The following XKR6 variants were observed in gnomAD, a reference collection of about 807,000 sequenced individuals.
XKR6 encodes XK-related protein 6.
Under a neutral mutation model 56.7 loss-of-function variants are expected in XKR6, and 22 were observed. The observed-to-expected ratio is 0.39, with a 90% confidence interval of 0.28 to 0.55. The LOEUF (loss-of-function observed/expected upper bound fraction) is 0.55. Among genes scored for constraint, XKR6 ranks in the 20% least tolerant of loss-of-function variants. The probability of loss-of-function intolerance (pLI) is 0.66; values close to 1 mark genes in which losing one functional copy is unlikely to be tolerated. For missense variants in XKR6, 852 were observed against 889.0 expected (o/e 0.96, Z 0.53); for synonymous variants, 524 against 387.8 (o/e 1.35, Z -4.13).
chr8:11,176,530 G>A (rs78363263), intron 1 of XKR6, among the ~76,000 whole-genome samples: 4,937 of 152,128 alleles, frequency 0.032, 278 homozygotes, highest in African/African-American at 0.11. Context: ...TATTTTTAAA[G>A]AAATTATGTC....
chr8:11,082,828 G>A (rs1237599108), intron 1 of XKR6, among the ~76,000 whole-genome samples: 2 of 152,240 alleles, frequency 1.3e-5, no homozygotes, highest in South Asian at 2.1e-4. Context: ...AAGCTCTGAC[G>A]TCTCATGGTT....
chr8:10,967,989 C>G (rs1586368306), intron 1 of XKR6, among the ~76,000 whole-genome samples: 1 of 152,136 alleles, frequency 6.6e-6, no homozygotes, highest in Non-Finnish European at 1.5e-5. Flanking sequence ...GGCCCCTCAG[C>G]CCTCACTCGG....
intron 2 of XKR6, among the ~76,000 whole-genome samples, chr8:10,902,163 G>A (rs939337178): frequency 6.6e-6 from 1 of 152,226 alleles, no homozygotes; most frequent in African/African-American, 2.4e-5. Context: ...ATTCCTCAGT[G>A]TTGCAAGACA....
At position 11,090,032 on chromosome 8, in the gene XKR6, C is replaced by G. The variant is rs1372718165; in HGVS notation, c.764+110544G>C. On this transcript the variant is annotated intron_variant, in intron 1 of 2. Coordinates refer to ENST00000416569, the MANE Select transcript of XKR6 (RefSeq NM_173683.4). ...CATGATGACACAAATGTGGCTTTAACAGTTGGACAGTATTATAGTATTCTA... is the reference window on the plus strand; with the variant it reads ...CATGATGACACAAATGTGGCTTTAAGAGTTGGACAGTATTATAGTATTCTA... Among the ~76,000 whole-genome samples, 5 of 152,302 alleles carry G rather than the reference C, an allele frequency of 3.3e-5. No individual in the cohort carries two copies. The East Asian group carries it at 7.7e-4, about 23-fold the overall frequency.
intron 1 of XKR6, among the ~76,000 whole-genome samples, chr8:11,059,182 C>T (rs1424808777): frequency 1.3e-5 from 2 of 152,246 alleles, no homozygotes; most frequent in African/African-American, 4.8e-5. Context: ...TCGAGGGCTC[C>T]CGCGGTTTGG....
chr8:10,943,697 CAGATGAAG>C (rs1586334789), intron 1 of XKR6, among the ~76,000 whole-genome samples: 1 of 152,206 alleles, frequency 6.6e-6, no homozygotes, highest in Non-Finnish European at 1.5e-5. Context: ...CGATCGTCCT[CAGATGAAG>C]AGACCAAAGC....
chr8:11,171,799 T>TC (rs1385190508), intron 1 of XKR6, among the ~76,000 whole-genome samples: 1 of 152,040 alleles, frequency 6.6e-6, no homozygotes, highest in African/African-American at 2.4e-5. Context: ...ACGCCTGTAA[T>TC]CCCAGCACTT....
chr8:11,155,546 C>G, intron 1 of XKR6, among the ~76,000 whole-genome samples: 1 of 152,332 alleles, frequency 6.6e-6, no homozygotes. Flanking sequence ...TATATGCACA[C>G]AAATATAGCT....
chr8:11,049,446 G>A (rs1371290818), intron 1 of XKR6, among the ~76,000 whole-genome samples: 1 of 152,154 alleles, frequency 6.6e-6, no homozygotes, highest in Admixed American at 6.5e-5. Context: ...GCTGCTCCCT[G>A]CGCCTCTCTG....
At chr8:10,980,418 C>T (rs755979737) in intron 1 of XKR6, among the ~76,000 whole-genome samples, 5 of 152,322 alleles carry the variant, frequency 3.3e-5, no homozygotes, top group African/African-American at 1.2e-4. Flanking sequence ...TTGATCTAAC[C>T]TGGCTTATAA....
At chr8:10,970,315 C>G (rs71518507) in intron 1 of XKR6, among the ~76,000 whole-genome samples, 1 of 152,216 alleles carries the variant, frequency 6.6e-6, no homozygotes, top group Non-Finnish European at 1.5e-5. Context: ...CGACAGCCCT[C>G]TGCATCATCA....
chr8:11,042,384 G>A (rs562037511), intron 1 of XKR6, among the ~76,000 whole-genome samples: 5 of 152,116 alleles, frequency 3.3e-5, no homozygotes, highest in African/African-American at 4.8e-5. Context: ...TAACTGAACC[G>A]TGGGGACAGA....
rs1368825253 is a variant in XKR6 at position 11,200,732 on chromosome 8, C to G, written c.608G>C (p.Gly203Ala). The G allele has an allele frequency of 6.9e-6, 11 of 1,589,466 alleles. No homozygotes were observed. Among genetic ancestry groups the G allele is most frequent in the East Asian group, 2.4e-5 (1 of 42,330 alleles). ...GTAGCCGGCCCCCATCATGGGGGGG[C>G]CCCGGCTGGTGAGCCCCTCCACGGC... ...LGAVEGLTSR[G>A]PPMMGAGYVH... is the part of the protein sequence containing the mutation. Residue 203 changes from glycine (G) to alanine (A), a missense_variant, in exon 1 of 3, where the codon GGC (glycine) becomes GCC (alanine). Physicochemically the swap from Gly to Ala is moderately conservative, Grantham distance 60 (BLOSUM62 0). Coordinates refer to ENST00000416569, the MANE Select transcript of XKR6 (RefSeq NM_173683.4). The surrounding 1 kb of genome is among the most constrained non-coding windows in gnomAD (Gnocchi z 6.4).
At position 11,200,524 on chromosome 8, in the gene XKR6, G is replaced by A. The variant is rs1804153048; in HGVS notation, c.764+52C>T. On this transcript the variant is annotated intron_variant, in intron 1 of 2. Transcript: ENST00000416569. This position sits in a 1 kb window ranked among gnomAD's most constrained non-coding sequence, Gnocchi z 6.4. ...GGCCGCCCCGCGAAGCACCGGGAGG[G>A]CGGAGGGGGGCTCCTCAGGGCCGGC... is the stretch of plus-strand genomic sequence containing the variant. 5.0e-6 allele frequency: 7 copies of A among 1,401,688 alleles called. 1 individual carries two copies. Among genetic ancestry groups the A allele is most frequent in the East Asian group, 2.8e-5 (1 of 35,356 alleles). 86.8% of individuals were successfully genotyped at this position (1,401,688 alleles called of 1,614,324 possible).
intron 1 of XKR6, among the ~76,000 whole-genome samples, chr8:11,048,572 T>G (rs994631188): frequency 1.3e-5 from 2 of 152,226 alleles, no homozygotes; most frequent in South Asian, 2.1e-4. Context: ...CGGCGAAACC[T>G]GGAGATGTGT....
chr8:11,089,454 G>C (rs192356609), intron 1 of XKR6, among the ~76,000 whole-genome samples: 1 of 152,058 alleles, frequency 6.6e-6, no homozygotes, highest in Non-Finnish European at 1.5e-5. Context: ...AATACAGCAA[G>C]ACCCCACCTC....
intron 1 of XKR6, among the ~76,000 whole-genome samples, chr8:11,096,868 T>C (rs778149113): frequency 9.2e-5 from 14 of 152,370 alleles, no homozygotes; most frequent in Non-Finnish European, 1.9e-4. Flanking sequence ...TCACTGAATG[T>C]CACCCAAACA....
chr8:11,092,523 T>G (rs906098999), intron 1 of XKR6, among the ~76,000 whole-genome samples: 1 of 152,094 alleles, frequency 6.6e-6, no homozygotes, highest in Non-Finnish European at 1.5e-5. Flanking sequence ...AGCCATGATG[T>G]GAAAGCTCTG....
intron 1 of XKR6, among the ~76,000 whole-genome samples, chr8:10,926,833 G>T (rs1253231011): frequency 3.3e-5 from 5 of 152,252 alleles, no homozygotes; most frequent in African/African-American, 4.8e-5. Context: ...CAAAATCAAG[G>T]AACCAGGGAA....
Sources: gnomAD v4.1 joint callset for allele counts (sites outside exome capture counted in the v4.1 genomes callset) on GRCh38, gnomAD v4.1.1 for gene constraint, Gnocchi (gnomAD v3.1) non-coding constraint, MANE v1.5 for transcripts, NCBI Gene and HGNC (gene_info 2026-07-23, HGNC 2026-07-21) for gene names.